MGAT4C: variants seen among roughly 807,000 people sequenced by gnomAD.
MGAT4C encodes MGAT4 family member C.
Under a neutral mutation model 40.1 loss-of-function variants are expected in MGAT4C, and 19 were observed. That is an observed-to-expected ratio of 0.47 (90% confidence interval 0.33 to 0.70). The LOEUF (loss-of-function observed/expected upper bound fraction) is 0.70, where lower values mean the gene tolerates loss of function less well. MGAT4C is among the 30% of genes least tolerant of loss of function. MGAT4C has a pLI of 0.02. For synonymous variants in MGAT4C, 181 were observed against 187.1 expected (o/e 0.97, Z 0.27); for missense variants, 491 against 563.2 (o/e 0.87, Z 1.30).
intron 2 of MGAT4C, among the ~76,000 whole-genome samples, chr12:86,002,885 C>T (rs571903587): frequency 3.9e-5 from 6 of 152,158 alleles, no homozygotes; most frequent in African/African-American, 1.4e-4. Flanking sequence ...ACTGCAGCCT[C>T]GGATTCCTGA....
chr12:86,027,295 G>A (rs1033846364), intron 2 of MGAT4C, among the ~76,000 whole-genome samples: 1 of 151,628 alleles, frequency 6.6e-6, no homozygotes, highest in Admixed American at 6.6e-5. Flanking sequence ...CAATGGCTGC[G>A]ACTAAGTTAA....
chr12:86,167,240 A>G (rs893963756), intron 1 of MGAT4C, among the ~76,000 whole-genome samples: 8 of 152,224 alleles, frequency 5.3e-5, no homozygotes, highest in African/African-American at 1.9e-4. Flanking sequence ...ATGAGACAAT[A>G]ACTCAATAAT....
chr12:86,291,258 C>G (rs185862232), intron 4 of MGAT4C, among the ~76,000 whole-genome samples: 7 of 152,314 alleles, frequency 4.6e-5, no homozygotes, highest in African/African-American at 1.7e-4. Flanking sequence ...CAAATAGCCA[C>G]AAGTCCGGGT....
At chr12:86,070,451 A>G (rs1894976760) in intron 1 of MGAT4C, among the ~76,000 whole-genome samples, 1 of 152,078 alleles carries the variant, frequency 6.6e-6, no homozygotes, top group South Asian at 2.1e-4. Context: ...GGGAGGTAAA[A>G]GCTAGTACAC....
chr12:86,584,195 A>G (rs1467108810), intron 2 of MGAT4C, among the ~76,000 whole-genome samples: 1 of 151,002 alleles, frequency 6.6e-6, no homozygotes, highest in Non-Finnish European at 1.5e-5. Context: ...AACACAAATG[A>G]GAGATACAGA....
At chr12:86,635,654 A>G (rs543701405) in intron 2 of MGAT4C, among the ~76,000 whole-genome samples, 1 of 142,638 alleles carries the variant, frequency 7.0e-6, no homozygotes, top group Admixed American at 6.8e-5. Context: ...TTTTCTATAT[A>G]CATTGTGTGT....
intron 2 of MGAT4C, among the ~76,000 whole-genome samples, chr12:86,557,371 C>T (rs1382907088): frequency 6.6e-6 from 1 of 152,126 alleles, no homozygotes; most frequent in Non-Finnish European, 1.5e-5. Flanking sequence ...TGGGGTTCAG[C>T]CAACCCTGCC....
chr12:86,745,747 C>T (rs1188785492), intron 1 of MGAT4C, among the ~76,000 whole-genome samples: 2 of 151,474 alleles, frequency 1.3e-5, no homozygotes, highest in Admixed American at 6.6e-5. Flanking sequence ...AATAAAACTA[C>T]AAAAATTTAA....
intron 3 of MGAT4C, among the ~76,000 whole-genome samples, chr12:86,408,915 C>T (rs555829533): frequency 1.7e-4 from 26 of 152,134 alleles, no homozygotes; most frequent in African/African-American, 4.8e-4. Context: ...AGTCTGTCTA[C>T]GTTCAGTCAC....
At chr12:86,592,500 C>G (rs1368897681) in intron 2 of MGAT4C, among the ~76,000 whole-genome samples, 1 of 152,028 alleles carries the variant, frequency 6.6e-6, no homozygotes, top group Non-Finnish European at 1.5e-5. Flanking sequence ...TCATCAAATT[C>G]CAAAGTCTCT....
intron 2 of MGAT4C, among the ~76,000 whole-genome samples, chr12:86,436,853 T>A (rs377253642): frequency 4.6e-5 from 7 of 151,864 alleles, no homozygotes; most frequent in African/African-American, 1.7e-4. Flanking sequence ...TATTTGCAAA[T>A]ACAGTTCAAA....
At chr12:86,079,980 T>C (rs1870524324) in intron 1 of MGAT4C, among the ~76,000 whole-genome samples, 1 of 152,002 alleles carries the variant, frequency 6.6e-6, no homozygotes, top group Admixed American at 6.6e-5. Context: ...CCATTTTTCT[T>C]TTTTTCTTTC....
At chr12:86,318,086 A>C (rs1954290930) in intron 4 of MGAT4C, among the ~76,000 whole-genome samples, 1 of 152,112 alleles carries the variant, frequency 6.6e-6, no homozygotes, top group Non-Finnish European at 1.5e-5. Flanking sequence ...CTCTCAGAGA[A>C]ATCAAAGGAA....
chr12:86,784,046 G>C (rs1485576733), intron 1 of MGAT4C, among the ~76,000 whole-genome samples: 2 of 151,994 alleles, frequency 1.3e-5, no homozygotes, highest in Non-Finnish European at 2.9e-5. Context: ...TTGAACTTTT[G>C]GTCTGCCATG....
intron 4 of MGAT4C, among the ~76,000 whole-genome samples, chr12:86,281,861 G>C (rs1318738180): frequency 6.6e-6 from 1 of 151,958 alleles, no homozygotes; most frequent in Non-Finnish European, 1.5e-5. Flanking sequence ...CTTATTTCTG[G>C]AGTATAAATT....
At chr12:86,691,847 TTATA>T (rs1950178922) in intron 2 of MGAT4C, among the ~76,000 whole-genome samples, 1 of 152,038 alleles carries the variant, frequency 6.6e-6, no homozygotes, top group African/African-American at 2.4e-5. Context: ...AATAGAGTGA[TTATA>T]TATATTTTAA....
At chr12:86,790,066 G>C (rs1401182376) in intron 1 of MGAT4C, among the ~76,000 whole-genome samples, 1 of 152,086 alleles carries the variant, frequency 6.6e-6, no homozygotes, top group African/African-American at 2.4e-5. Context: ...GAAAGTACTT[G>C]AATGCTATCA....
intron 2 of MGAT4C, among the ~76,000 whole-genome samples, chr12:86,670,948 T>C (rs1263201785): frequency 1.3e-5 from 2 of 152,196 alleles, no homozygotes; most frequent in East Asian, 3.9e-4. Flanking sequence ...TTCATTCTAT[T>C]TATACCATTC....
intron 1 of MGAT4C, among the ~76,000 whole-genome samples, chr12:86,093,770 CAA>C (rs1247753645): frequency 2.9e-4 from 43 of 148,578 alleles, no homozygotes; most frequent in African/African-American, 5.7e-4. Context: ...ACAACAACAA[CAA>C]CACCTACAAG....
Sources: gnomAD v4.1 joint callset for allele counts (sites outside exome capture counted in the v4.1 genomes callset) on GRCh38, gnomAD v4.1.1 for gene constraint, MANE v1.5 for transcripts, NCBI Gene and HGNC (gene_info 2026-07-23, HGNC 2026-07-21) for gene names.